The following GRIK2 variants were observed in gnomAD, a reference collection of about 807,000 sequenced individuals.
GRIK2 encodes glutamate ionotropic receptor kainate type subunit 2.
GRIK2 carries 32 observed loss-of-function variants against 100.3 expected under a neutral mutation model. The observed-to-expected ratio is 0.32, with a 90% CI of 0.24 to 0.43. The LOEUF (loss-of-function observed/expected upper bound fraction) is 0.43, where lower values mean the gene tolerates loss of function less well. GRIK2 is among the 20% of genes least tolerant of loss of function. GRIK2 has a pLI of 1.00. For synonymous variants in GRIK2, 417 were observed against 389.4 expected (o/e 1.07, Z -0.83); for missense variants, 843 against 1,114.9 (o/e 0.76, Z 3.47).
intron 2 of GRIK2, among the ~76,000 whole-genome samples, chr6:101,521,002 T>C (rs1457141183): frequency 2.6e-5 from 4 of 152,056 alleles, no homozygotes; most frequent in Non-Finnish European, 4.4e-5. Context: ...AAAAGAAAAT[T>C]AGTTGGTCGA....
chr6:101,407,898 T>G (rs548184106), intron 2 of GRIK2, among the ~76,000 whole-genome samples: 5 of 152,236 alleles, frequency 3.3e-5, no homozygotes, highest in East Asian at 1.9e-4. Flanking sequence ...CCAGAAGAGA[T>G]AGGATTCTGG....
intron 2 of GRIK2, among the ~76,000 whole-genome samples, chr6:101,578,757 C>G (rs373290517): frequency 3.9e-5 from 6 of 152,100 alleles, no homozygotes; most frequent in South Asian, 4.1e-4. Context: ...TTGATGAAGG[C>G]TCATTTCTAG....
At chr6:101,655,427 A>T (rs775018589) in intron 4 of GRIK2, among the ~76,000 whole-genome samples, 2 of 152,188 alleles carry the variant, frequency 1.3e-5, no homozygotes, top group African/African-American at 2.4e-5. Context: ...CCTATTCTTA[A>T]GAACAATTAC....
In GRIK2 at chr6:101,621,971, A is replaced by T. The variant is rs1378480030; in HGVS notation, c.138A>T (p.Glu46Asp). 2 of 1,609,342 alleles carry T rather than the reference A, an allele frequency of 1.2e-6. No homozygotes were observed. Among genetic ancestry groups the T allele is most frequent in the Non-Finnish European group, 8.5e-7 (1 of 1,176,090 alleles). The change falls in exon 3 of 17, where the codon GAA (glutamate) becomes GAT (aspartate). Residue 46 changes from glutamate to aspartate, a missense_variant. By Grantham distance (45) the Glu-to-Asp change is conservative. Coordinates refer to ENST00000369134, the MANE Select transcript of GRIK2 (RefSeq NM_021956.5). ...CAGGTGGTATTTTTGAATATGTGGAATCTGGCCCAATGGGAGCTGAGGAAC... is the reference window on the plus strand; with the variant it reads ...CAGGTGGTATTTTTGAATATGTGGATTCTGGCCCAATGGGAGCTGAGGAAC... ...LRFGGIFEYV[E>D]SGPMGAEELA...
intron 2 of GRIK2, chr6:101,430,782 G>C (rs547935667): frequency 9.9e-5 from 24 of 241,728 alleles, no homozygotes; most frequent in African/African-American, 4.6e-4. Context: ...CCTTTCCAGG[G>C]AGGAAGAGGA....
At chr6:102,058,233 C>A (rs1008318215) in intron 16 of GRIK2, among the ~76,000 whole-genome samples, 1 of 151,570 alleles carries the variant, frequency 6.6e-6, no homozygotes, top group African/African-American at 2.4e-5. Flanking sequence ...GTATGGGTGC[C>A]TTTTCACATA....
chr6:101,816,997 C>G (rs1175534542), intron 9 of GRIK2, among the ~76,000 whole-genome samples: 3 of 152,198 alleles, frequency 2.0e-5, no homozygotes, highest in Non-Finnish European at 4.4e-5. Context: ...TACTACGGCC[C>G]TGTACATTAT....
chr6:101,461,559 G>C (rs1771309921), intron 2 of GRIK2, among the ~76,000 whole-genome samples: 1 of 152,140 alleles, frequency 6.6e-6, no homozygotes, highest in African/African-American at 2.4e-5. Context: ...CACTCTTAAG[G>C]ATTCATTTGA....
At chr6:101,631,032 T>C (rs576959261) in intron 4 of GRIK2, among the ~76,000 whole-genome samples, 37 of 152,258 alleles carry the variant, frequency 2.4e-4, no homozygotes, top group African/African-American at 8.9e-4. Context: ...AGTGCTGGAA[T>C]AGGATAAATT....
chr6:101,641,261 A>G lies in GRIK2; in HGVS notation c.541+14624A>G, dbSNP rs575395648. Among the ~76,000 whole-genome samples, 25 of 152,214 alleles carry G rather than the reference A, an allele frequency of 1.6e-4. 1 individual carries two copies. Among genetic ancestry groups the G allele is most frequent in the Admixed American group, 9.8e-4 (15 of 15,276 alleles). Reference sequence around the variant, plus strand: ...TGTACAAAAAGTACTAATTAATTACATGTGCAATGATTCTGACTTGTCATT... The same window carrying G: ...TGTACAAAAAGTACTAATTAATTACGTGTGCAATGATTCTGACTTGTCATT... On this transcript the variant is annotated intron_variant, in intron 4 of 16. Coordinates refer to ENST00000369134, the MANE Select transcript of GRIK2 (RefSeq NM_021956.5).
chr6:102,051,259 T>TCCTC (rs1771172777), intron 15 of GRIK2, among the ~76,000 whole-genome samples: 1 of 98,900 alleles, frequency 1.0e-5, no homozygotes, highest in Non-Finnish European at 2.1e-5. Context: ...CTCCCTTCCT[T>TCCTC]CCTTCCTTCC....
chr6:101,888,156 A>G (rs1446044006), intron 11 of GRIK2, among the ~76,000 whole-genome samples: 1 of 152,130 alleles, frequency 6.6e-6, no homozygotes, highest in African/African-American at 2.4e-5. Flanking sequence ...TGAATGAATG[A>G]ATGAATGACT....
chr6:101,570,208 G>T (rs765701398), intron 2 of GRIK2, among the ~76,000 whole-genome samples: 1 of 151,962 alleles, frequency 6.6e-6, no homozygotes, highest in East Asian at 1.9e-4. Flanking sequence ...TCATTTTACC[G>T]CTACAAAATT....
At position 102,055,763 on chromosome 6, in the gene GRIK2, T is replaced by G. The variant is rs201705853; in HGVS notation, c.2562+183T>G. 1.3e-4 allele frequency among the ~76,000 whole-genome samples: 20 copies of G among 152,204 alleles called. No individual in the cohort carries two copies. In the East Asian group the frequency reaches 3.9e-3, roughly 29 times the overall value. ...TTGTGAAATTTCACAGAAAGACTCATGGTCACCTTTATGATTTTTTATTTA... is the reference window on the plus strand; with the variant it reads ...TTGTGAAATTTCACAGAAAGACTCAGGGTCACCTTTATGATTTTTTATTTA... On this transcript the variant is annotated intron_variant, in intron 16 of 16. Transcript: ENST00000369134.
At chr6:101,716,115 C>T (rs1774045763) in intron 7 of GRIK2, among the ~76,000 whole-genome samples, 1 of 151,622 alleles carries the variant, frequency 6.6e-6, no homozygotes, top group Non-Finnish European at 1.5e-5. Flanking sequence ...ATGAATAAAC[C>T]TAAAGCTTCA....
intron 2 of GRIK2, among the ~76,000 whole-genome samples, chr6:101,500,782 G>A (rs998900843): frequency 1.3e-5 from 2 of 151,992 alleles, no homozygotes; most frequent in Non-Finnish European, 2.9e-5. Context: ...TTCACAACCA[G>A]GGTTTAGATT....
intron 7 of GRIK2, among the ~76,000 whole-genome samples, chr6:101,686,660 C>T (rs1255639576): frequency 6.6e-6 from 1 of 152,064 alleles, no homozygotes; most frequent in Non-Finnish European, 1.5e-5. Context: ...TGAAAGAAGA[C>T]ATACATCTGG....
chr6:101,891,133 CT>C (rs11427772), intron 12 of GRIK2, among the ~76,000 whole-genome samples: 16 of 149,548 alleles, frequency 1.1e-4, no homozygotes, highest in East Asian at 3.9e-4. Context: ...AGGAATTAAA[CT>C]TTTTTTTTTC....
intron 7 of GRIK2, among the ~76,000 whole-genome samples, chr6:101,688,534 G>C (rs371618180): frequency 3.3e-5 from 5 of 152,110 alleles, no homozygotes; most frequent in African/African-American, 1.2e-4. Context: ...TGGAAAAAGA[G>C]AGAGGATATT....
Sources: gnomAD v4.1 joint callset for allele counts (sites outside exome capture counted in the v4.1 genomes callset) on GRCh38, gnomAD v4.1.1 for gene constraint, MANE v1.5 for transcripts, NCBI Gene and HGNC (gene_info 2026-07-23, HGNC 2026-07-21) for gene names.